TRIM58: variants seen among roughly 807,000 people sequenced by gnomAD.
TRIM58 encodes the protein E3 ubiquitin-protein ligase TRIM58.
TRIM58 carries 38 observed loss-of-function variants against 34.1 expected under a neutral mutation model. That is an observed-to-expected ratio of 1.12 (90% CI 0.86 to 1.46). The LOEUF (loss-of-function observed/expected upper bound fraction) is 1.46. Among genes scored for constraint, TRIM58 ranks in the 40% most tolerant of loss-of-function variants. The pLI is 0.00. For synonymous variants in TRIM58, 273 were observed against 275.7 expected, an observed-to-expected ratio of 0.99 and a Z score of 0.10; for missense variants, 677 against 642.0, an observed-to-expected ratio of 1.05 and a Z score of -0.59.
intron 2 of TRIM58, among the ~76,000 whole-genome samples, chr1:247,860,997 G>T (rs1663779397): frequency 6.6e-6 from 1 of 152,102 alleles, no homozygotes. Context: ...ACCTAGAATA[G>T]CATCTTATAC....
At chr1:247,859,472 G>A (rs1344133027) in intron 1 of TRIM58, among the ~76,000 whole-genome samples, 1 of 151,962 alleles carries the variant, frequency 6.6e-6, no homozygotes, top group African/African-American at 2.4e-5. Context: ...GAGTAACTTT[G>A]GGAATATAAT....
Position 247,876,738 on chromosome 1 carries a change from T to C in TRIM58, c.*249T>C. ...TCTAGATCACATTTTCTTGATGTCTTCCTTCAAATTAATGACCTTGGATTA... is the reference window on the plus strand; with the variant it reads ...TCTAGATCACATTTTCTTGATGTCTCCCTTCAAATTAATGACCTTGGATTA... On this transcript the variant is annotated 3_prime_UTR_variant, in exon 6 of 6. Transcript: ENST00000366481. 1 of 485,806 alleles carries C rather than the reference T, an allele frequency of 2.1e-6. No homozygotes were observed. The allele number at this position is 485,806 out of a possible 1,614,324, so 30.1% of individuals were successfully genotyped here.
chr1:247,860,114 A>G (rs1025981152), intron 1 of TRIM58, among the ~76,000 whole-genome samples: 2 of 152,242 alleles, frequency 1.3e-5, no homozygotes, highest in Non-Finnish European at 2.9e-5. Context: ...GCTATCGTAT[A>G]TAACAATGCA....
At chr1:247,873,831 A>T (rs1325337093) in intron 5 of TRIM58, among the ~76,000 whole-genome samples, 1 of 152,130 alleles carries the variant, frequency 6.6e-6, no homozygotes, top group Non-Finnish European at 1.5e-5. Context: ...CTAGCTGGGC[A>T]TGGTGGTGTG....
rs1234010264 is a variant in TRIM58 at position 247,876,379 on chromosome 1, T to C, written c.1351T>C (p.Cys451Arg). The change falls in exon 6 of 6, where the codon TGT becomes CGT. Residue 451 changes from cysteine (C) to arginine (R), a missense_variant. Cys to Arg is a radical substitution (Grantham distance 180). Transcript: ENST00000366481. ...SGLLRPYFFICDATPLILPPT... is the reference protein window; with the variant it reads ...SGLLRPYFFIRDATPLILPPT... ...TCTTCTTCGGCCTTACTTTTTCATCTGTGATGCAACTCCTCTTATCTTGCC... is the reference window on the plus strand; with the variant it reads ...TCTTCTTCGGCCTTACTTTTTCATCCGTGATGCAACTCCTCTTATCTTGCC... 1.2e-6 allele frequency: 2 copies of C among 1,614,242 alleles called. No homozygotes were observed. The highest frequency in any genetic ancestry group is 1.7e-6 in the Non-Finnish European group (2 of 1,180,038).
At chr1:247,865,293 T>A (rs1663894742) in intron 3 of TRIM58, among the ~76,000 whole-genome samples, 1 of 152,136 alleles carries the variant, frequency 6.6e-6, no homozygotes, top group South Asian at 2.1e-4. Context: ...TATAGTTTGT[T>A]TTAAGGACTA....
chr1:247,875,645 G>GT lies in TRIM58; in HGVS notation c.872-246dup, dbSNP rs146855191. Among the ~76,000 whole-genome samples the GT allele has an allele frequency of 4.9e-3, 738 of 150,318 alleles. 4 individuals carry two copies. Among genetic ancestry groups the GT allele is most frequent in the South Asian group, 9.4e-3 (44 of 4,704 alleles). On this transcript the variant is annotated intron_variant, in intron 5 of 5. Coordinates refer to ENST00000366481, the MANE Select transcript of TRIM58 (RefSeq NM_015431.4). ...ACTTGGTTTGTCGTCATCAATAGTT[G>GT]TTTTTTTTTGGGAAAGTTAAAGAGT...
intron 3 of TRIM58, 72 bp from the exon 4 acceptor site, chr1:247,867,773 A>T: frequency 6.4e-7 from 1 of 1,569,070 alleles, no homozygotes; most frequent in South Asian, 1.1e-5. Flanking sequence ...GGAAATTTTT[A>T]TGGGGTCTTC....
At chr1:247,861,778 T>C (rs1056475046) in intron 2 of TRIM58, among the ~76,000 whole-genome samples, 1 of 152,116 alleles carries the variant, frequency 6.6e-6, no homozygotes, top group Non-Finnish European at 1.5e-5. Context: ...ATTACTAGAT[T>C]ACAATATAGA....
rs1659358299 is a variant in TRIM58, at chr1:247,879,318, G to T, written c.*2829G>T. ...ACCTTCAGAATATGTCCGGGGTTCA[G>T]TTGTCCTGGCCACCCTGCTGCTGTA... On this transcript the variant is annotated 3_prime_UTR_variant, in exon 6 of 6. Coordinates refer to ENST00000366481, the MANE Select transcript of TRIM58 (RefSeq NM_015431.4). Among the ~76,000 whole-genome samples the T allele has an allele frequency of 6.6e-6, 1 of 152,324 alleles. No homozygotes were observed. The highest frequency in any genetic ancestry group is 2.1e-4 in the South Asian group (1 of 4,834).
chr1:247,866,688 A>G (rs1268076811), intron 3 of TRIM58, among the ~76,000 whole-genome samples: 1 of 151,936 alleles, frequency 6.6e-6, no homozygotes, highest in Non-Finnish European at 1.5e-5. Context: ...CTGCAGCCTC[A>G]GTCTCCTAGG....
chr1:247,863,022 T>C (rs961345097), intron 2 of TRIM58, among the ~76,000 whole-genome samples: 4 of 152,186 alleles, frequency 2.6e-5, no homozygotes, highest in African/African-American at 9.7e-5. Context: ...TGAAGAGAGC[T>C]TCTCATATTT....
At chr1:247,858,684 T>G (rs1663697350) in intron 1 of TRIM58, among the ~76,000 whole-genome samples, 1 of 151,940 alleles carries the variant, frequency 6.6e-6, no homozygotes, top group Non-Finnish European at 1.5e-5. Context: ...ACTAGGTAAT[T>G]TCTAGCTAAA....
rs1659355829 is a variant in TRIM58 at position 247,879,162 on chromosome 1, A to C, written c.*2673A>C. Among the ~76,000 whole-genome samples the C allele has an allele frequency of 1.3e-5, 2 of 152,138 alleles. No individual in the cohort carries two copies. Among genetic ancestry groups the C allele is most frequent in the Admixed American group, 1.3e-4 (2 of 15,270 alleles). ...AAGTCTCTCCCTAACTGCAACAACA[A>C]AAACCACAGGCTTCTCCCTGTCACT... On this transcript the variant is annotated 3_prime_UTR_variant, in exon 6 of 6. Transcript: ENST00000366481.
At position 247,860,713 on chromosome 1, in the gene TRIM58, G is replaced by C. The variant is rs1236322503; in HGVS notation, c.516+1G>C. On this transcript the variant is annotated splice_donor_variant, in intron 2 of 5. Coordinates refer to ENST00000366481, the MANE Select transcript of TRIM58 (RefSeq NM_015431.4). LOFTEE classifies it high-confidence loss of function. ...GGGGAAAAAGACTGTCATTTGGAAG[G>C]TAAGACCATGTTGGGGCTTTAGGAG... is the stretch of plus-strand genomic sequence containing the variant. 6.2e-7 allele frequency: 1 copy of C among 1,611,212 alleles called. No homozygotes were observed.
chr1:247,872,774 G>A (rs1249498500), intron 5 of TRIM58, among the ~76,000 whole-genome samples: 1 of 152,160 alleles, frequency 6.6e-6, no homozygotes, highest in East Asian at 1.9e-4. Flanking sequence ...GGGACTATAG[G>A]TTTCTCCAGT....
chr1:247,864,865 G>A lies in TRIM58; in HGVS notation c.677G>A (p.Ser226Asn). The change falls in exon 3 of 6, where the codon AGC becomes AAC. Residue 226 changes from serine to asparagine, a missense_variant. Ser to Asn is a conservative substitution (Grantham distance 46, BLOSUM62 1). Transcript: ENST00000366481. ...RESKSRLVQQ[S>N]KALKELADEL... ...AGCAAGAGCCGGCTGGTCCAGCAGAGCAAGGCCCTGAAGGAGCTGGCGGAT... is the reference window on the plus strand; with the variant it reads ...AGCAAGAGCCGGCTGGTCCAGCAGAACAAGGCCCTGAAGGAGCTGGCGGAT... The A allele has an allele frequency of 6.2e-7, 1 of 1,611,420 alleles. No homozygotes were observed. The highest frequency in any genetic ancestry group is 8.5e-7 in the Non-Finnish European group (1 of 1,179,340).
intron 5 of TRIM58, among the ~76,000 whole-genome samples, chr1:247,871,637 C>G (rs61414011): frequency 0.21 from 32,645 of 152,050 alleles, 3,901 homozygotes; most frequent in African/African-American, 0.32. Context: ...TGATTAAAAT[C>G]GTCATGGCAC....
chr1:247,872,164 A>C (rs11204533), intron 5 of TRIM58, among the ~76,000 whole-genome samples: 64,669 of 152,108 alleles, frequency 0.43, 14,733 homozygotes, highest in African/African-American at 0.59. Context: ...AATAGGACAT[A>C]GTTGAAAGTT....
Sources: allele counts gnomAD v4.1 joint callset (sites outside exome capture counted in the v4.1 genomes callset), GRCh38; gene constraint gnomAD v4.1.1; transcripts MANE v1.5; gene names NCBI Gene and HGNC (gene_info 2026-07-23, HGNC 2026-07-21).